PPP1R1C: variants seen among roughly 807,000 people sequenced by gnomAD.
The protein encoded by PPP1R1C is protein phosphatase 1 regulatory inhibitor subunit 1C, also known as protein phosphatase 1 regulatory subunit 1C.
A neutral mutation model predicts 17.4 loss-of-function variants in PPP1R1C; 15 were observed. The observed-to-expected ratio is 0.86, with a 90% confidence interval of 0.58 to 1.33. The LOEUF (loss-of-function observed/expected upper bound fraction) is 1.33. PPP1R1C is among the 40% of genes most tolerant of loss of function. The probability of loss-of-function intolerance (pLI) is 0.00; values close to 1 mark genes in which losing one functional copy is unlikely to be tolerated. For missense variants in PPP1R1C, 143 were observed against 130.0 expected, an observed-to-expected ratio of 1.10 and a Z score of -0.48; for synonymous variants, 35 against 43.1, an observed-to-expected ratio of 0.81 and a Z score of 0.73.
intron 4 of PPP1R1C, among the ~76,000 whole-genome samples, chr2:182,069,707 TA>T (rs1688087644): frequency 6.6e-6 from 1 of 152,228 alleles, no homozygotes; most frequent in African/African-American, 2.4e-5. Flanking sequence ...TTTGTCTATA[TA>T]TATGTTAACC....
chr2:182,034,508 G>C (rs761390947), intron 2 of PPP1R1C, among the ~76,000 whole-genome samples: 5 of 152,098 alleles, frequency 3.3e-5, no homozygotes, highest in African/African-American at 9.7e-5. Context: ...GAGCAGAGAG[G>C]TGGCAGAAAA....
At chr2:182,018,221 T>G (rs1399717345) in intron 2 of PPP1R1C, among the ~76,000 whole-genome samples, 1 of 152,174 alleles carries the variant, frequency 6.6e-6, no homozygotes, top group African/African-American at 2.4e-5. Context: ...TAAGTCTAGT[T>G]TCTATGCTGG....
chr2:181,990,824 G>T (rs895828417), intron 2 of PPP1R1C, among the ~76,000 whole-genome samples: 1 of 152,102 alleles, frequency 6.6e-6, no homozygotes, highest in African/African-American at 2.4e-5. Context: ...TCCCCCAAAA[G>T]CAATATGTTG....
chr2:181,968,867 A>G (rs1431158806), intron 1 of PPP1R1C, among the ~76,000 whole-genome samples: 1 of 151,754 alleles, frequency 6.6e-6, no homozygotes. Context: ...TATCTGTTGT[A>G]TGTTTTTTGA....
chr2:182,096,445 C>T (rs1043813967), intron 4 of PPP1R1C, among the ~76,000 whole-genome samples: 3 of 150,392 alleles, frequency 2.0e-5, no homozygotes, highest in Middle Eastern at 3.4e-3. Flanking sequence ...ATTCTGAGTC[C>T]GTACACGGCT....
chr2:182,125,931 A>G (rs1466030609), intron 5 of PPP1R1C, among the ~76,000 whole-genome samples: 1 of 151,956 alleles, frequency 6.6e-6, no homozygotes, highest in Non-Finnish European at 1.5e-5. Flanking sequence ...CTCTGCTATT[A>G]GTTGTTTCTT....
chr2:182,090,535 G>A (rs896603050), intron 4 of PPP1R1C, among the ~76,000 whole-genome samples: 5 of 152,142 alleles, frequency 3.3e-5, no homozygotes, highest in South Asian at 4.2e-4. Flanking sequence ...GCTGAACAGA[G>A]CATTTAAAAC....
intron 2 of PPP1R1C, among the ~76,000 whole-genome samples, chr2:182,033,180 C>T (rs1367044409): frequency 6.6e-6 from 1 of 152,078 alleles, no homozygotes; most frequent in African/African-American, 2.4e-5. Flanking sequence ...TTGTGATGTC[C>T]TCCTTTCCTT....
At chr2:182,100,671 C>G (rs1689073680) in intron 4 of PPP1R1C, among the ~76,000 whole-genome samples, 1 of 152,154 alleles carries the variant, frequency 6.6e-6, no homozygotes, top group Non-Finnish European at 1.5e-5. Flanking sequence ...AGGAGGCAGC[C>G]TGCTGAACCT....
At position 182,124,466 on chromosome 2, in the gene PPP1R1C, G is replaced by A. The variant is rs572758732; in HGVS notation, c.*7-4508G>A. ...ATGGGATCTTGATGGGAATAGCATT[G>A]AATCTATAAATTACTTTGGGCAGTA... On this transcript the variant is annotated intron_variant, in intron 5 of 5. Transcript: ENST00000280295. Among the ~76,000 whole-genome samples, 8 of 150,016 alleles carry A rather than the reference G, an allele frequency of 5.3e-5. No individual in the cohort carries two copies. The East Asian group carries it at 1.6e-3, about 30-fold the overall frequency.
intron 4 of PPP1R1C, among the ~76,000 whole-genome samples, chr2:182,107,536 G>A (rs1348908654): frequency 2.0e-5 from 3 of 152,166 alleles, no homozygotes; most frequent in African/African-American, 7.2e-5. Flanking sequence ...GGTTTTACAA[G>A]TGGTGAGACC....
At chr2:182,049,323 A>T (rs1687437934) in intron 2 of PPP1R1C, among the ~76,000 whole-genome samples, 1 of 133,370 alleles carries the variant, frequency 7.5e-6, no homozygotes, top group African/African-American at 2.7e-5. Context: ...ACAGAATGAG[A>T]TTCCATCTCA....
chr2:182,117,863 C>T (rs1689635584), downstream of PPP1R1C: 1 of 152,096 alleles, frequency 6.6e-6, no homozygotes, highest in Admixed American at 6.6e-5. Context: ...ATATTAGATA[C>T]TAAACATCTT....
chr2:182,089,376 C>A (rs1688719189), intron 4 of PPP1R1C, among the ~76,000 whole-genome samples: 1 of 152,182 alleles, frequency 6.6e-6, no homozygotes, highest in African/African-American at 2.4e-5. Context: ...GTGGTTTTAA[C>A]TGGCCCAACT....
chr2:182,092,076 TG>T (rs753093418), intron 4 of PPP1R1C, among the ~76,000 whole-genome samples: 4 of 152,156 alleles, frequency 2.6e-5, no homozygotes, highest in Non-Finnish European at 5.9e-5. Flanking sequence ...TTAAGCTGCA[TG>T]GAAGGAGGGC....
chr2:182,038,912 GTTAT>G (rs1383591581), intron 2 of PPP1R1C, among the ~76,000 whole-genome samples: 1 of 152,116 alleles, frequency 6.6e-6, no homozygotes, highest in Admixed American at 6.6e-5. Flanking sequence ...TTTTCTAATT[GTTAT>G]TTCATTTTTT....
At chr2:182,012,743 C>T (rs1686122569) in intron 2 of PPP1R1C, among the ~76,000 whole-genome samples, 1 of 151,936 alleles carries the variant, frequency 6.6e-6, no homozygotes, top group Non-Finnish European at 1.5e-5. Context: ...TTAATTCTTG[C>T]TTTTTATTTT....
intron 1 of PPP1R1C, among the ~76,000 whole-genome samples, chr2:181,968,739 T>C (rs955324121): frequency 1.3e-5 from 2 of 152,154 alleles, no homozygotes; most frequent in Non-Finnish European, 2.9e-5. Context: ...ATTTTATTAT[T>C]TGTTTTCTGG....
intron 2 of PPP1R1C, among the ~76,000 whole-genome samples, chr2:182,027,240 A>G (rs1342238718): frequency 1.7e-5 from 2 of 116,530 alleles, no homozygotes; most frequent in East Asian, 4.9e-4. Context: ...AGAACTTCCA[A>G]CACTATGTTG....
Sources: gnomAD v4.1 joint callset for allele counts (sites outside exome capture counted in the v4.1 genomes callset) on GRCh38, gnomAD v4.1.1 for gene constraint, MANE v1.5 for transcripts, NCBI Gene and HGNC (gene_info 2026-07-23, HGNC 2026-07-21) for gene names.